Variants in RBFOX1 observed in about 807,000 individuals in gnomAD.
RBFOX1 encodes RNA binding fox-1 homolog 1.
In RBFOX1, 8 loss-of-function variants were observed where a neutral mutation model predicts 57.7. The ratio of observed to expected loss-of-function variants is 0.14; its 90% confidence interval spans 0.08 to 0.25. The LOEUF (loss-of-function observed/expected upper bound fraction) is 0.25. Ranked by LOEUF, RBFOX1 falls within the 10% of genes least tolerant of loss-of-function variation. RBFOX1 has a pLI of 1.00. For missense variants in RBFOX1, 611 were observed against 548.5 expected (o/e 1.11, Z -1.14); for synonymous variants, 326 against 222.4 (o/e 1.47, Z -4.15).
At chr16:5,530,933 TAAAAAAAAAAAAAAAAAA>T (rs59311923) in intron 2 of RBFOX1, among the ~76,000 whole-genome samples, 1,424 of 54,966 alleles carry the variant, frequency 0.026, 12 homozygotes, top group African/African-American at 0.098. Flanking sequence ...ACTAAAAATA[TAAAAAAAAAAAAAAAAAA>T]AAAAAAAAAA....
At chr16:7,194,704 G>C (rs1440496550) in intron 4 of RBFOX1, among the ~76,000 whole-genome samples, 1 of 152,052 alleles carries the variant, frequency 6.6e-6, no homozygotes, top group African/African-American at 2.4e-5. Context: ...GAGGTGGGTG[G>C]ATTGCCTGAG....
chr16:7,499,287 G>A (rs570347575), intron 4 of RBFOX1, among the ~76,000 whole-genome samples: 110 of 152,270 alleles, frequency 7.2e-4, no homozygotes, highest in African/African-American at 2.6e-3. Context: ...TTCATCTTCA[G>A]ATGGTATGCA....
chr16:6,886,713 C>T (rs566479831), intron 3 of RBFOX1, among the ~76,000 whole-genome samples: 9 of 150,938 alleles, frequency 6.0e-5, no homozygotes, highest in African/African-American at 1.9e-4. Flanking sequence ...TGAGATCGCA[C>T]CACCGCACTC....
At chr16:6,959,534 T>C (rs1418563279) in intron 3 of RBFOX1, among the ~76,000 whole-genome samples, 1 of 152,156 alleles carries the variant, frequency 6.6e-6, no homozygotes, top group African/African-American at 2.4e-5. Context: ...TCTGTGTGCA[T>C]TTGGACCCAG....
intron 3 of RBFOX1, among the ~76,000 whole-genome samples, chr16:5,786,557 C>T (rs764446325): frequency 2.0e-5 from 3 of 152,160 alleles, no homozygotes; most frequent in Non-Finnish European, 4.4e-5. Context: ...GTGTGGGGAA[C>T]AGAGCTTGCT....
intron 3 of RBFOX1, among the ~76,000 whole-genome samples, chr16:5,683,292 G>A (rs983936630): frequency 1.3e-5 from 2 of 152,144 alleles, no homozygotes; most frequent in Non-Finnish European, 2.9e-5. Flanking sequence ...CCAATGCCCA[G>A]GTTTAACCCC....
At chr16:5,655,192 C>T (rs768798969) in intron 3 of RBFOX1, among the ~76,000 whole-genome samples, 11 of 152,178 alleles carry the variant, frequency 7.2e-5, no homozygotes, top group Non-Finnish European at 1.6e-4. Context: ...CATTTGCACA[C>T]CATCATATGC....
In RBFOX1 at chr16:6,580,423, G is replaced by C. The variant is rs139491360; in HGVS notation, c.-63-74180G>C. ...TTCCTAATTATGTGGTCATTGAAGA[G>C]CTAGTTGATCATTAAGCTACACTGA... is the stretch of plus-strand genomic sequence containing the variant. On this transcript the variant is annotated intron_variant, in intron 2 of 15. Transcript: ENST00000550418. 8.0e-3 allele frequency among the ~76,000 whole-genome samples: 1,223 copies of C among 152,254 alleles called. 55 individuals carry two copies. Among genetic ancestry groups the C allele is most frequent in the Admixed American group, 0.067 (1,018 of 15,282 alleles).
At chr16:6,570,949 A>T (rs143463606) in intron 2 of RBFOX1, among the ~76,000 whole-genome samples, 301 of 152,336 alleles carry the variant, frequency 2.0e-3, no homozygotes, top group Admixed American at 3.8e-3. Context: ...CTCATTAATC[A>T]GAGGCTCTGG....
chr16:6,142,189 C>CAAAAAAA lies in RBFOX1; in HGVS notation c.-127+122218_-127+122224dup, dbSNP rs71142685. Among the ~76,000 whole-genome samples the CAAAAAAA allele has an allele frequency of 9.2e-3, 450 of 49,088 alleles. 42 individuals carry two copies. Among genetic ancestry groups the CAAAAAAA allele is most frequent in the African/African-American group, 0.037 (409 of 10,986 alleles). 32.2% of individuals were successfully genotyped at this position (49,088 alleles called of 152,430 possible). On this transcript the variant is annotated intron_variant, in intron 1 of 15. Coordinates refer to ENST00000550418, the MANE Select transcript of RBFOX1 (RefSeq NM_018723.4). The stretch of plus-strand genomic sequence containing the variant: ...TCAGAGATCCTTGTTGCTGCTGCTG[C>CAAAAAAA]AAAAAAAAAAAAAAAAAAAAAAAAA...
intron 2 of RBFOX1, among the ~76,000 whole-genome samples, chr16:5,593,427 A>T (rs537950134): frequency 1.3e-5 from 2 of 149,448 alleles, no homozygotes; most frequent in Non-Finnish European, 3.0e-5. Flanking sequence ...CCACCATGGC[A>T]CATGTATACC....
chr16:6,494,894 G>T (rs1031593481), intron 2 of RBFOX1, among the ~76,000 whole-genome samples: 8 of 152,164 alleles, frequency 5.3e-5, no homozygotes, highest in African/African-American at 1.9e-4. Context: ...TCCACCATAT[G>T]CCAGGCTGTA....
At chr16:6,557,016 CATAT>C (rs879560424) in intron 2 of RBFOX1, among the ~76,000 whole-genome samples, 2 of 144,046 alleles carry the variant, frequency 1.4e-5, no homozygotes, top group Admixed American at 7.0e-5. Flanking sequence ...CATATATATA[CATAT>C]ATATACATAT....
intron 1 of RBFOX1, among the ~76,000 whole-genome samples, chr16:6,244,484 GC>G (rs2097558086): frequency 6.6e-6 from 1 of 152,060 alleles, no homozygotes; most frequent in South Asian, 2.1e-4. Context: ...TCCAAGTTTG[GC>G]GTGTGTCTCT....
chr16:5,257,600 T>A (rs1257738815), intron 1 of RBFOX1, among the ~76,000 whole-genome samples: 1 of 152,190 alleles, frequency 6.6e-6, no homozygotes, highest in Admixed American at 6.5e-5. Flanking sequence ...GGCGCTGAGT[T>A]CTTGGACACT....
intron 2 of RBFOX1, among the ~76,000 whole-genome samples, chr16:5,528,181 G>C (rs28477847): frequency 0.043 from 6,583 of 152,154 alleles, 486 homozygotes; most frequent in African/African-American, 0.15. Context: ...GGTTCTGCTC[G>C]AGACATTCCC....
intron 2 of RBFOX1, among the ~76,000 whole-genome samples, chr16:6,641,324 C>A (rs537745162): frequency 6.6e-6 from 1 of 152,150 alleles, no homozygotes; most frequent in African/African-American, 2.4e-5. Flanking sequence ...CCAAGGCGTT[C>A]ACCTTCACTC....
chr16:7,337,666 T>C (rs1448396213), intron 4 of RBFOX1, among the ~76,000 whole-genome samples: 1 of 152,044 alleles, frequency 6.6e-6, no homozygotes, highest in Non-Finnish European at 1.5e-5. Context: ...GGTGAATGTT[T>C]TTTGTGTTTG....
At chr16:6,165,957 T>G (rs2096913912) in intron 1 of RBFOX1, among the ~76,000 whole-genome samples, 1 of 152,142 alleles carries the variant, frequency 6.6e-6, no homozygotes, top group Non-Finnish European at 1.5e-5. Context: ...ACGATTTGAT[T>G]TGATGGGAAA....
Sources: allele counts gnomAD v4.1 joint callset (sites outside exome capture counted in the v4.1 genomes callset), GRCh38; gene constraint gnomAD v4.1.1; transcripts MANE v1.5; gene names NCBI Gene and HGNC (gene_info 2026-07-23, HGNC 2026-07-21).